Variants in INTS6 observed in about 807,000 individuals in gnomAD.
INTS6 encodes the protein integrator complex subunit 6, also known as DEAD box protein.
INTS6 carries 16 observed loss-of-function variants against 104.9 expected under a neutral mutation model. That is an observed-to-expected ratio of 0.15 (90% CI 0.10 to 0.23). INTS6 has a LOEUF of 0.23. INTS6 is among the 10% of genes least tolerant of loss of function. The pLI is 1.00. For synonymous variants in INTS6, 324 were observed against 358.7 expected (o/e 0.90, Z 1.09); for missense variants, 584 against 1,062.8 (o/e 0.55, Z 6.26).
At chr13:51,433,269 A>T (rs1957130074) in intron 3 of INTS6, among the ~76,000 whole-genome samples, 1 of 152,106 alleles carries the variant, frequency 6.6e-6, no homozygotes, top group African/African-American at 2.4e-5. Context: ...CACTGTGAAA[A>T]ACCTCGTCTC....
the INTS6 span, chr13:51,348,307 C>A: frequency 1.2e-6 from 2 of 1,613,492 alleles, no homozygotes; most frequent in South Asian, 1.1e-5. Flanking sequence ...TGCCCCGTGA[C>A]AAAGACACCC....
At position 51,393,203 on chromosome 13, in the gene INTS6, G is replaced by A. The variant is rs561464132; in HGVS notation, c.613+2097C>T. ...AGCAATTCTCCTGCCTCAGCCTCCC[G>A]AACAGCTGGGATTACAGGCGTGTGC... On this transcript the variant is annotated intron_variant, in intron 5 of 17. Transcript: ENST00000311234. Among the ~76,000 whole-genome samples the A allele has an allele frequency of 2.2e-4, 33 of 151,276 alleles. No individual in the cohort carries two copies. In the South Asian group the frequency reaches 5.0e-3, roughly 23 times the overall value.
At chr13:51,410,827 C>A (rs1379785008) in intron 4 of INTS6, among the ~76,000 whole-genome samples, 1 of 152,060 alleles carries the variant, frequency 6.6e-6, no homozygotes, top group Non-Finnish European at 1.5e-5. Context: ...GTAAAAAATT[C>A]TTATAACTCA....
chr13:51,432,724 C>T lies in INTS6; in HGVS notation c.340-2341G>A, dbSNP rs770482760. 5.9e-5 allele frequency among the ~76,000 whole-genome samples: 9 copies of T among 152,156 alleles called. 1 individual carries two copies. Among genetic ancestry groups the T allele is most frequent in the Admixed American group, 3.3e-4 (5 of 15,274 alleles). ...ATAAATGTGTACTCCCCAAATTCAA[C>T]GCATAACAACTCATGAATTTGCTGG... On this transcript the variant is annotated intron_variant, in intron 3 of 17. Transcript: ENST00000311234.
exon 4 of INTS6, chr13:51,354,248 A>ATTTGAAT (rs1446369194): frequency 6.6e-6 from 1 of 152,078 alleles, no homozygotes; most frequent in African/African-American, 2.4e-5. Flanking sequence ...CTGCACACAC[A>ATTTGAAT]CAGGCTTGAT....
At chr13:51,399,406 C>A (rs576191470) in intron 4 of INTS6, among the ~76,000 whole-genome samples, 1 of 152,228 alleles carries the variant, frequency 6.6e-6, no homozygotes, top group South Asian at 2.1e-4. Context: ...GGGATCTTCA[C>A]CAGTCTGGCC....
At chr13:51,407,529 C>T (rs1439367629) in intron 4 of INTS6, among the ~76,000 whole-genome samples, 1 of 151,996 alleles carries the variant, frequency 6.6e-6, no homozygotes, top group African/African-American at 2.4e-5. Flanking sequence ...ATGAAAGAAA[C>T]AGACTCATAA....
At chr13:51,361,223 T>G, downstream of INTS6, 1 of 1,120,094 alleles carries the variant, frequency 8.9e-7, no homozygotes, top group Non-Finnish European at 1.3e-6. Flanking sequence ...GTGTTCTAAA[T>G]GTGTTAGAAA....
chr13:51,341,097 G>A, the INTS6 span: 74 of 1,613,638 alleles, frequency 4.6e-5, no homozygotes, highest in African/African-American at 5.3e-4. Context: ...CCTCCATGCC[G>A]CCTTTCCTGA....
intron 13 of INTS6, 128 bp downstream of exon 13, chr13:51,375,920 T>G: frequency 1.4e-6 from 1 of 706,896 alleles, no homozygotes; most frequent in Non-Finnish European, 2.1e-6. Flanking sequence ...TTACTTCATT[T>G]GTTTGAACTT....
chr13:51,383,095 C>T (rs555401576), intron 9 of INTS6, among the ~76,000 whole-genome samples: 39 of 150,698 alleles, frequency 2.6e-4, no homozygotes, highest in Non-Finnish European at 5.3e-4. Flanking sequence ...CTCCCCCACC[C>T]CCCCGCAAAA....
chr13:51,383,198 A>C (rs1343906836), intron 9 of INTS6, 131 bp downstream of exon 9: 13 of 706,338 alleles, frequency 1.8e-5, no homozygotes, highest in Non-Finnish European at 2.6e-5. Flanking sequence ...ATTTTCTTAA[A>C]GATGTTCAAC....
At chr13:51,344,621 T>G in the INTS6 span, 1 of 683,582 alleles carries the variant, frequency 1.5e-6, no homozygotes, top group Non-Finnish European at 2.5e-6. Context: ...TAGGAGATCC[T>G]ACCCTTGAAT....
the INTS6 span, among the ~76,000 whole-genome samples, chr13:51,344,968 A>G: frequency 3.4e-5 from 5 of 146,202 alleles, no homozygotes; most frequent in Non-Finnish European, 5.9e-5. Flanking sequence ...TATTGAAGAA[A>G]GAGACTTACA....
chr13:51,434,797 T>C (rs1423088683), intron 3 of INTS6, among the ~76,000 whole-genome samples: 5 of 152,076 alleles, frequency 3.3e-5, no homozygotes, highest in South Asian at 2.1e-4. Flanking sequence ...TCTGTCAACA[T>C]TGTTTACCCA....
chr13:51,398,419 T>C (rs1010828347), intron 4 of INTS6, among the ~76,000 whole-genome samples: 4 of 152,052 alleles, frequency 2.6e-5, no homozygotes, highest in Admixed American at 1.3e-4. Context: ...TAAGGATACC[T>C]AAAAGGAAAT....
intron 3 of INTS6, chr13:51,440,473 G>C (rs767109604): frequency 6.6e-6 from 1 of 152,144 alleles, no homozygotes; most frequent in Non-Finnish European, 1.5e-5. Flanking sequence ...TAAGTGTACA[G>C]TTTATAAAGT....
rs1323927053 is a variant in INTS6, at chr13:51,381,701, G to T, written c.1275+328C>A. 3.1e-3 allele frequency among the ~76,000 whole-genome samples: 439 copies of T among 143,514 alleles called. 3 individuals carry two copies. The highest frequency in any genetic ancestry group is 9.1e-3 in the African/African-American group (356 of 38,990). 94.2% of individuals were successfully genotyped at this position (143,514 alleles called of 152,430 possible). ...GCATAATATAATTAACAAGTTTTTT[G>T]TTTTTTTTTTTTTGGAGACGGTGTT... On this transcript the variant is annotated intron_variant, in intron 10 of 17. Transcript: ENST00000311234.
chr13:51,350,846 T>G (rs1955396569), downstream of INTS6, among the ~76,000 whole-genome samples: 1 of 152,144 alleles, frequency 6.6e-6, no homozygotes, highest in Admixed American at 6.5e-5. Flanking sequence ...TCAATAGATT[T>G]GCCTATTCGA....
Sources: allele counts gnomAD v4.1 joint callset (sites outside exome capture counted in the v4.1 genomes callset), GRCh38; gene constraint gnomAD v4.1.1; transcripts MANE v1.5; gene names NCBI Gene and HGNC (gene_info 2026-07-23, HGNC 2026-07-21).